DCC: variants seen among roughly 807,000 people sequenced by gnomAD.
DCC encodes DCC netrin 1 receptor.
DCC carries 58 observed loss-of-function variants against 172.5 expected under a neutral mutation model. That is an observed-to-expected ratio of 0.34 (90% CI 0.27 to 0.42). The LOEUF (loss-of-function observed/expected upper bound fraction) is 0.42. Ranked by LOEUF, DCC falls within the 10% of genes least tolerant of loss-of-function variation. The pLI is 1.00. For synonymous variants in DCC, 709 were observed against 644.5 expected (o/e 1.10, Z -1.52); for missense variants, 1,740 against 1,791.0 (o/e 0.97, Z 0.51).
chr18:52,669,602 G>A (rs1454343650), intron 1 of DCC, among the ~76,000 whole-genome samples: 1 of 152,144 alleles, frequency 6.6e-6, no homozygotes, highest in Non-Finnish European at 1.5e-5. Context: ...TGTCTCATCT[G>A]TCTTTTGCTG....
At chr18:52,886,207 C>T (rs189586789) in intron 2 of DCC, among the ~76,000 whole-genome samples, 31 of 152,206 alleles carry the variant, frequency 2.0e-4, no homozygotes, top group African/African-American at 3.9e-4. Context: ...TGGCTCTAAG[C>T]CCAGCCCAGG....
chr18:52,378,595 G>A (rs1437714443), intron 1 of DCC, among the ~76,000 whole-genome samples: 1 of 152,042 alleles, frequency 6.6e-6, no homozygotes, highest in Non-Finnish European at 1.5e-5. Flanking sequence ...TGCACAAGCT[G>A]GAGTGCATTT....
At chr18:52,901,938 A>C (rs951892860) in intron 2 of DCC, among the ~76,000 whole-genome samples, 2 of 152,212 alleles carry the variant, frequency 1.3e-5, no homozygotes, top group Non-Finnish European at 2.9e-5. Context: ...AATTGTGAGT[A>C]CTATAAAAAT....
intron 25 of DCC, among the ~76,000 whole-genome samples, chr18:53,471,034 T>A (rs945321505): frequency 4.6e-5 from 7 of 152,228 alleles, no homozygotes; most frequent in Non-Finnish European, 7.3e-5. Context: ...TTCCCAAATT[T>A]GACCACTCTT....
intron 1 of DCC, among the ~76,000 whole-genome samples, chr18:52,488,415 TTAGGA>T (rs1026572930): frequency 6.6e-6 from 1 of 152,024 alleles, no homozygotes; most frequent in African/African-American, 2.4e-5. Flanking sequence ...GTGTATACCA[TTAGGA>T]TAGGATAGGA....
intron 1 of DCC, among the ~76,000 whole-genome samples, chr18:52,630,294 G>A (rs1598969875): frequency 6.6e-6 from 1 of 152,194 alleles, no homozygotes; most frequent in South Asian, 2.1e-4. Context: ...CAGTGAGACA[G>A]AGAAGGGCTA....
chr18:52,408,697 T>C (rs1986740945), intron 1 of DCC, among the ~76,000 whole-genome samples: 1 of 152,152 alleles, frequency 6.6e-6, no homozygotes, highest in Non-Finnish European at 1.5e-5. Context: ...TTATTAAGCA[T>C]ATGGTACTGG....
At chr18:52,893,522 A>T (rs1809147833) in intron 2 of DCC, among the ~76,000 whole-genome samples, 1 of 152,176 alleles carries the variant, frequency 6.6e-6, no homozygotes, top group South Asian at 2.1e-4. Context: ...ATGACCTTTG[A>T]AATGAATAGG....
intron 1 of DCC, among the ~76,000 whole-genome samples, chr18:52,663,176 C>T (rs1471644621): frequency 6.6e-6 from 1 of 152,156 alleles, no homozygotes; most frequent in Non-Finnish European, 1.5e-5. Flanking sequence ...AAGTTTCAAA[C>T]AAATGTAAGG....
At chr18:53,088,531 C>T (rs1363004970) in intron 7 of DCC, among the ~76,000 whole-genome samples, 1 of 152,028 alleles carries the variant, frequency 6.6e-6, no homozygotes, top group Non-Finnish European at 1.5e-5. Flanking sequence ...TCTAGATATA[C>T]AATCATGTCG....
At position 53,218,214 on chromosome 18, in the gene DCC, C is replaced by A. The variant is rs551974222; in HGVS notation, c.1911+2617C>A. ...GATGGAAGAGAACACACTTTGAAAA[C>A]GTATTCTATATCATATTTGTAAATA... On this transcript the variant is annotated intron_variant, in intron 12 of 28. Transcript: ENST00000442544. Among the ~76,000 whole-genome samples the A allele has an allele frequency of 9.7e-4, 148 of 152,090 alleles. 1 individual carries two copies. The highest frequency in any genetic ancestry group is 3.4e-3 in the African/African-American group (143 of 41,526).
chr18:52,941,897 C>T (rs1164915912), intron 5 of DCC, among the ~76,000 whole-genome samples: 3 of 152,126 alleles, frequency 2.0e-5, no homozygotes, highest in Non-Finnish European at 4.4e-5. Flanking sequence ...ATTCTCCTGC[C>T]TCAGCCTCCC....
In DCC at chr18:53,515,020, C is replaced by A. The variant is rs1014084746; in HGVS notation, c.4112-11597C>A. Among the ~76,000 whole-genome samples the A allele has an allele frequency of 8.7e-3, 1,320 of 151,974 alleles. 13 individuals are homozygous for A. The highest frequency in any genetic ancestry group is 0.029 in the African/African-American group (1,211 of 41,450). On this transcript the variant is annotated intron_variant, in intron 27 of 28. Coordinates refer to ENST00000442544, the MANE Select transcript of DCC (RefSeq NM_005215.4). ...AAAAAAGAGAATTTTAGACCAATATCCTTGATGAACATTGATGCAAAAATC... is the reference window on the plus strand; with the variant it reads ...AAAAAAGAGAATTTTAGACCAATATACTTGATGAACATTGATGCAAAAATC...
At chr18:53,242,871 GGTGTGTGT>G (rs3059140) in intron 12 of DCC, among the ~76,000 whole-genome samples, 17 of 148,524 alleles carry the variant, frequency 1.1e-4, no homozygotes, top group South Asian at 1.1e-3. Flanking sequence ...ATGACAAGTA[GGTGTGTGT>G]GTGTGTGTGT....
chr18:52,485,322 A>G (rs754392656), intron 1 of DCC, among the ~76,000 whole-genome samples: 1 of 152,148 alleles, frequency 6.6e-6, no homozygotes, highest in Non-Finnish European at 1.5e-5. Flanking sequence ...AGAATACCTC[A>G]GCAGGCAGAT....
rs773820506 is a variant in DCC, at chr18:53,103,392, G to C, written c.1261+37226G>C. Among the ~76,000 whole-genome samples, 3 of 151,954 alleles carry C rather than the reference G, an allele frequency of 2.0e-5. No homozygotes were observed. The East Asian group carries it at 5.8e-4, about 30-fold the overall frequency. On this transcript the variant is annotated intron_variant, in intron 7 of 28. Transcript: ENST00000442544. The stretch of plus-strand genomic sequence containing the variant: ...TTGTTTAGGGTGTTTTTAATTTTAA[G>C]TTTTATTTTTTTCTTGAAGCCTATG...
chr18:52,599,115 G>A (rs1348796172), intron 1 of DCC, among the ~76,000 whole-genome samples: 1 of 152,166 alleles, frequency 6.6e-6, no homozygotes, highest in African/African-American at 2.4e-5. Flanking sequence ...CAATTAGGTA[G>A]CAGGGTGATT....
chr18:52,563,456 G>C (rs2033085324), intron 1 of DCC, among the ~76,000 whole-genome samples: 1 of 152,108 alleles, frequency 6.6e-6, no homozygotes, highest in East Asian at 1.9e-4. Context: ...CTAAATATTA[G>C]TATGAACTCT....
chr18:53,470,881 C>G (rs560349971), intron 25 of DCC, among the ~76,000 whole-genome samples: 1 of 152,162 alleles, frequency 6.6e-6, no homozygotes, highest in Non-Finnish European at 1.5e-5. Flanking sequence ...GATTACAATT[C>G]GAGATGAGAT....
Sources: allele counts gnomAD v4.1 joint callset (sites outside exome capture counted in the v4.1 genomes callset), GRCh38; gene constraint gnomAD v4.1.1; transcripts MANE v1.5; gene names NCBI Gene and HGNC (gene_info 2026-07-23, HGNC 2026-07-21).